The following SRGAP3 variants were observed in gnomAD, a reference collection of about 807,000 sequenced individuals.
SRGAP3 encodes SLIT-ROBO Rho GTPase activating protein 3.
Under a neutral mutation model 121.1 loss-of-function variants are expected in SRGAP3, and 39 were observed. The observed-to-expected ratio is 0.32, with a 90% CI of 0.25 to 0.42. SRGAP3 has a LOEUF of 0.42. SRGAP3 is among the 10% of genes least tolerant of loss of function. The probability of loss-of-function intolerance (pLI) is 1.00; values close to 1 mark genes in which losing one functional copy is unlikely to be tolerated. For synonymous variants in SRGAP3, 601 were observed against 570.0 expected (o/e 1.05, Z -0.77); for missense variants, 1,213 against 1,470.6 (o/e 0.82, Z 2.86).
At chr3:8,997,349 T>C (rs1942465040) in intron 18 of SRGAP3, among the ~76,000 whole-genome samples, 1 of 152,162 alleles carries the variant, frequency 6.6e-6, no homozygotes, top group Non-Finnish European at 1.5e-5. Flanking sequence ...GATCTGACCA[T>C]GGCTCACCAC....
chr3:9,345,798 AAAAAAAGAAAAG>A (rs1955879196), intron 1 of SRGAP3, among the ~76,000 whole-genome samples: 2 of 151,518 alleles, frequency 1.3e-5, no homozygotes, highest in South Asian at 4.2e-4. Flanking sequence ...AAAAAAAAAA[AAAAAAAGAAAAG>A]AAAAAAGAAA....
At chr3:9,117,833 G>A (rs563421888) in intron 2 of SRGAP3, among the ~76,000 whole-genome samples, 1 of 152,176 alleles carries the variant, frequency 6.6e-6, no homozygotes, top group African/African-American at 2.4e-5. Context: ...AAATATCATG[G>A]GGAGAGCCAG....
chr3:9,165,039 T>C (rs1950734269), intron 1 of SRGAP3, among the ~76,000 whole-genome samples: 1 of 152,344 alleles, frequency 6.6e-6, no homozygotes, highest in East Asian at 1.9e-4. Context: ...GTGGTTCCCC[T>C]TGGGGGATGC....
At chr3:9,108,469 T>C (rs1377977914) in intron 2 of SRGAP3, among the ~76,000 whole-genome samples, 2 of 151,902 alleles carry the variant, frequency 1.3e-5, no homozygotes, top group East Asian at 3.9e-4. Context: ...AATTTAAAAA[T>C]TAGCTGGGCA....
chr3:9,044,091 G>A (rs1220164199), intron 10 of SRGAP3, among the ~76,000 whole-genome samples: 1 of 152,154 alleles, frequency 6.6e-6, no homozygotes, highest in African/African-American at 2.4e-5. Flanking sequence ...GCACCTGGAA[G>A]CTTTTTGACT....
At chr3:9,057,078 TTTTTTG>T (rs1945860025) in intron 7 of SRGAP3, among the ~76,000 whole-genome samples, 1 of 152,134 alleles carries the variant, frequency 6.6e-6, no homozygotes, top group African/African-American at 2.4e-5. Context: ...TGTTTGTTTG[TTTTTTG>T]TTGTTGTTGT....
At chr3:9,176,241 T>C (rs1044972173) in intron 1 of SRGAP3, among the ~76,000 whole-genome samples, 48 of 152,152 alleles carry the variant, frequency 3.2e-4, no homozygotes, top group African/African-American at 1.2e-3. Context: ...TCTTAATCCC[T>C]CCACATGTTC....
chr3:9,045,644 G>T (rs1015982753), intron 10 of SRGAP3, among the ~76,000 whole-genome samples: 2 of 152,124 alleles, frequency 1.3e-5, no homozygotes, highest in Non-Finnish European at 2.9e-5. Flanking sequence ...GATAAGGGCC[G>T]CAGGAAGACA....
At chr3:9,354,532 A>G (rs1425341206) in intron 1 of SRGAP3, among the ~76,000 whole-genome samples, 1 of 152,028 alleles carries the variant, frequency 6.6e-6, no homozygotes, top group Admixed American at 6.6e-5. Context: ...CACAAAAAAA[A>G]TTAGCCGGAC....
intron 1 of SRGAP3, among the ~76,000 whole-genome samples, chr3:9,233,662 G>A (rs968368041): frequency 2.0e-5 from 3 of 152,160 alleles, no homozygotes; most frequent in Non-Finnish European, 4.4e-5. Flanking sequence ...AAACAATGAT[G>A]GTGAGGTAAG....
chr3:9,143,706 A>G (rs1161050047), intron 1 of SRGAP3, among the ~76,000 whole-genome samples: 1 of 152,104 alleles, frequency 6.6e-6, no homozygotes, highest in African/African-American at 2.4e-5. Flanking sequence ...ACCCTCCCCC[A>G]TAGGAAGTGT....
At chr3:9,147,026 C>T (rs1457762845) in intron 1 of SRGAP3, among the ~76,000 whole-genome samples, 1 of 152,176 alleles carries the variant, frequency 6.6e-6, no homozygotes, top group Non-Finnish European at 1.5e-5. Context: ...CCAGCTAGCA[C>T]TTACCAAGTA....
At chr3:9,087,749 G>C (rs1575055155) in intron 3 of SRGAP3, among the ~76,000 whole-genome samples, 1 of 152,192 alleles carries the variant, frequency 6.6e-6, no homozygotes, top group East Asian at 1.9e-4. Flanking sequence ...GAACTACTGA[G>C]GGTTGTTGAG....
chr3:9,256,123 G>A (rs1954128261), intron 3 of SRGAP3, among the ~76,000 whole-genome samples: 1 of 152,132 alleles, frequency 6.6e-6, no homozygotes, highest in African/African-American at 2.4e-5. Flanking sequence ...GCTTCCTTAG[G>A]AAAGGATGGG....
chr3:9,007,564 T>G (rs1297454757), intron 18 of SRGAP3: 1 of 152,122 alleles, frequency 6.6e-6, no homozygotes, highest in Admixed American at 6.5e-5. Context: ...GTCAAGAAAA[T>G]TCTCCAGGAC....
At chr3:9,356,183 C>CTTTT (rs916919134) in intron 1 of SRGAP3, among the ~76,000 whole-genome samples, 1 of 136,762 alleles carries the variant, frequency 7.3e-6, no homozygotes, top group African/African-American at 2.9e-5. Context: ...GTTTATGGGA[C>CTTTT]TTTTTTTTCT....
At chr3:9,065,224 C>T (rs2125212596) in intron 4 of SRGAP3, 1 of 152,278 alleles carries the variant, frequency 6.6e-6, no homozygotes, top group East Asian at 1.9e-4. Flanking sequence ...CCTATAAAAA[C>T]AATTCCTATA....
In SRGAP3 at chr3:9,316,424, C is replaced by T. The variant is rs921639889; in HGVS notation, n.442+9586G>A. Among the ~76,000 whole-genome samples, 19 of 149,632 alleles carry T rather than the reference C, an allele frequency of 1.3e-4. 1 individual carries two copies. The East Asian group carries it at 3.1e-3, about 24-fold the overall frequency. ...CTGTAATCCCAGCACTTTGGGAGGC[C>T]GAGGCGGGTGGATCCCAATGTCAGG... On this transcript the variant is annotated intron_variant and non_coding_transcript_variant, in intron 3 of 3. Transcript: ENST00000490889.
At chr3:9,026,799 G>A (rs1338470074) in intron 13 of SRGAP3, 136 bp downstream of exon 13, 7 of 934,254 alleles carry the variant, frequency 7.5e-6, no homozygotes, top group African/African-American at 1.6e-5. Context: ...CAGCTGCTGT[G>A]TGCAGTACTT....
Sources: gnomAD v4.1 joint callset for allele counts (sites outside exome capture counted in the v4.1 genomes callset) on GRCh38, gnomAD v4.1.1 for gene constraint, MANE v1.5 for transcripts, NCBI Gene and HGNC (gene_info 2026-07-23, HGNC 2026-07-21) for gene names.